MPRIP: variants seen among roughly 807,000 people sequenced by gnomAD.
The protein encoded by MPRIP is myosin phosphatase Rho interacting protein.
Under a neutral mutation model 234.9 loss-of-function variants are expected in MPRIP, and 59 were observed. That is an observed-to-expected ratio of 0.25 (90% CI 0.20 to 0.31). The LOEUF (loss-of-function observed/expected upper bound fraction) is 0.31, where lower values mean the gene tolerates loss of function less well. Among genes scored for constraint, MPRIP ranks in the 10% least tolerant of loss-of-function variants. The pLI is 1.00. For synonymous variants in MPRIP, 1,144 were observed against 1,263.9 expected (o/e 0.91, Z 2.01); for missense variants, 2,436 against 3,071.0 (o/e 0.79, Z 4.89).
At chr17:17,047,009 C>A (rs545279906) in intron 1 of MPRIP, among the ~76,000 whole-genome samples, 2 of 152,234 alleles carry the variant, frequency 1.3e-5, no homozygotes, top group South Asian at 4.2e-4. Flanking sequence ...GAAACTCTGT[C>A]TCTACTAAAA....
At chr17:17,142,428 G>C (rs568248988) in intron 7 of MPRIP, 199 bp from the exon 8 acceptor site, 1 of 584,914 alleles carries the variant, frequency 1.7e-6, no homozygotes, top group Middle Eastern at 4.8e-4. Context: ...AGGGGCAAGC[G>C]CAGGCCTGAT....
At position 17,158,805 on chromosome 17, in the gene MPRIP, G is replaced by T; in HGVS notation, c.2203G>T (p.Asp735Tyr). The change falls in exon 14 of 24, where the codon GAC (aspartate) becomes TAC (tyrosine). Residue 735 changes from aspartate to tyrosine, a missense_variant. Asp to Tyr is a radical substitution (Grantham distance 160, BLOSUM62 -3). This residue lies in a region of MPRIP where 1,998 missense variants were observed against 2,520.3 expected (regional missense o/e 0.79). Transcript: ENST00000651222. Reference protein sequence around the residue: ...TEDAALRMEVDRSPGLPMSDL... With the variant: ...TEDAALRMEVYRSPGLPMSDL... ...GGATGCAGCCCTGCGCATGGAGGTG[G>T]ACCGGAGCCCAGGGCTGCCTATGAG... The T allele has an allele frequency of 1.9e-6, 3 of 1,611,672 alleles. No individual in the cohort carries two copies. The highest frequency in any genetic ancestry group is 1.1e-5 in the South Asian group (1 of 91,022).
intron 1 of MPRIP, among the ~76,000 whole-genome samples, chr17:17,062,629 C>G (rs2088901105): frequency 6.6e-6 from 1 of 152,250 alleles, no homozygotes; most frequent in African/African-American, 2.4e-5. Flanking sequence ...GCCATGAAGG[C>G]CTGCGCAGGA....
At chr17:17,085,531 A>G (rs1053737995) in intron 3 of MPRIP, among the ~76,000 whole-genome samples, 24 of 152,242 alleles carry the variant, frequency 1.6e-4, no homozygotes, top group African/African-American at 5.8e-4. Context: ...TAAAATGTAT[A>G]CAGTCAGGTG....
chr17:17,172,202 A>G (rs1374048390), intron 17 of MPRIP, among the ~76,000 whole-genome samples: 2 of 152,256 alleles, frequency 1.3e-5, no homozygotes, highest in African/African-American at 2.4e-5. Context: ...ACACCTGTCA[A>G]CGTGGGACCA....
In MPRIP at chr17:17,187,107, G is replaced by C. The variant is rs1210827731; in HGVS notation, c.*2213G>C. ...GCCTTCTGCCCTCCAGGGGGTTCTGGCCAGAGTCCATGCTTGGAGACAGGA... is the reference window on the plus strand; with the variant it reads ...GCCTTCTGCCCTCCAGGGGGTTCTGCCCAGAGTCCATGCTTGGAGACAGGA... On this transcript the variant is annotated 3_prime_UTR_variant, in exon 24 of 24. Coordinates refer to ENST00000651222, the MANE Select transcript of MPRIP (RefSeq NM_001364716.4). The C allele has an allele frequency of 6.6e-6, 1 of 152,286 alleles. No homozygotes were observed. Among genetic ancestry groups the C allele is most frequent in the Non-Finnish European group, 1.5e-5 (1 of 68,132 alleles). The allele number at this position is 152,286 out of a possible 1,614,324, so 9.4% of individuals were successfully genotyped here. A position where few individuals can be genotyped will look rare whatever the true frequency, so the allele number is the denominator to read the frequency against.
chr17:17,171,940 A>T, intron 17 of MPRIP, 75 bp downstream of exon 17: 1 of 1,473,814 alleles, frequency 6.8e-7, no homozygotes, highest in Non-Finnish European at 9.2e-7. Context: ...ACTCAGAGGA[A>T]TGGCAGCCTT....
intron 4 of MPRIP, among the ~76,000 whole-genome samples, chr17:17,127,544 C>T (rs1461714260): frequency 6.6e-6 from 1 of 152,234 alleles, no homozygotes; most frequent in Non-Finnish European, 1.5e-5. Flanking sequence ...CTTTGCTACC[C>T]ACATGGCCTG....
At chr17:17,109,623 G>T in intron 3 of MPRIP, among the ~76,000 whole-genome samples, 1 of 152,214 alleles carries the variant, frequency 6.6e-6, no homozygotes, top group East Asian at 1.9e-4. Context: ...CTATTTCCTT[G>T]TTCCATTAGC....
At chr17:17,074,792 G>A (rs1341864359) in intron 1 of MPRIP, among the ~76,000 whole-genome samples, 1 of 152,110 alleles carries the variant, frequency 6.6e-6, no homozygotes, top group African/African-American at 2.4e-5. Flanking sequence ...GGGGTTCCTC[G>A]GTGTTGTGGT....
intron 9 of MPRIP, 96 bp from the exon 10 acceptor site, chr17:17,145,940 G>A: frequency 8.3e-7 from 1 of 1,210,878 alleles, no homozygotes; most frequent in South Asian, 1.3e-5. Flanking sequence ...CCCTTTCCTG[G>A]TACCCGCCTC....
At chr17:17,048,477 C>G (rs2088428199) in intron 1 of MPRIP, among the ~76,000 whole-genome samples, 1 of 152,064 alleles carries the variant, frequency 6.6e-6, no homozygotes, top group African/African-American at 2.4e-5. Context: ...TTTCGCATCC[C>G]CCCCTTGTAG....
At chr17:17,087,849 C>T (rs966014824) in intron 3 of MPRIP, among the ~76,000 whole-genome samples, 1 of 152,164 alleles carries the variant, frequency 6.6e-6, no homozygotes, top group African/African-American at 2.4e-5. Context: ...AATCTCAGGC[C>T]GCACTGAGAG....
At chr17:17,063,355 A>C (rs2088923939) in intron 1 of MPRIP, among the ~76,000 whole-genome samples, 1 of 152,070 alleles carries the variant, frequency 6.6e-6, no homozygotes. Flanking sequence ...CAGCGAGGAG[A>C]TGTGGTGTTG....
At chr17:17,114,992 G>C (rs947627992) in intron 3 of MPRIP, among the ~76,000 whole-genome samples, 16 of 152,256 alleles carry the variant, frequency 1.1e-4, no homozygotes, top group Non-Finnish European at 2.2e-4. Flanking sequence ...CCCTGAACGG[G>C]TCATTTCCTC....
intron 1 of MPRIP, among the ~76,000 whole-genome samples, chr17:17,048,209 G>T (rs1004137384): frequency 1.3e-5 from 2 of 152,108 alleles, no homozygotes; most frequent in Non-Finnish European, 2.9e-5. Flanking sequence ...CTGGAAATGA[G>T]CTCGGTCTTG....
rs150224427 is a variant in MPRIP, at chr17:17,047,258, G to A, written c.123+4287G>A. 3.3e-3 allele frequency among the ~76,000 whole-genome samples: 495 copies of A among 152,292 alleles called. 1 individual carries two copies. Among genetic ancestry groups the A allele is most frequent in the Admixed American group, 4.6e-3 (70 of 15,300 alleles). The stretch of plus-strand genomic sequence containing the variant: ...AGCTGGCATGATGTGTGGCCTGTGA[G>A]CCATAGTTTGCTGACCCTGAACTAG... On this transcript the variant is annotated intron_variant, in intron 1 of 23. Transcript: ENST00000651222.
At position 17,190,239 on chromosome 17, in the gene MPRIP, C is replaced by T. The variant is rs535523502; in HGVS notation, c.*5345C>T. The T allele has an allele frequency of 3.3e-5, 5 of 152,224 alleles. No homozygotes were observed. The East Asian group carries it at 5.8e-4, about 18-fold the overall frequency. The allele number at this position is 152,224 out of a possible 1,614,324, so 9.4% of individuals were successfully genotyped here. On this transcript the variant is annotated 3_prime_UTR_variant, in exon 24 of 24. Coordinates refer to ENST00000651222, the MANE Select transcript of MPRIP (RefSeq NM_001364716.4). Reference sequence around the variant, plus strand: ...ATCCAGTGAACGGTCATCTTCACATCGAAAGGTGAAGGCCACCACTGTTCT... The same window carrying T: ...ATCCAGTGAACGGTCATCTTCACATTGAAAGGTGAAGGCCACCACTGTTCT...
chr17:17,137,508 A>G (rs1028502673), intron 6 of MPRIP, among the ~76,000 whole-genome samples: 4 of 109,798 alleles, frequency 3.6e-5, no homozygotes, highest in African/African-American at 1.1e-4. Context: ...GCGAGATTGC[A>G]TCTCAAAAAA....
Sources: gnomAD v4.1 joint callset for allele counts (sites outside exome capture counted in the v4.1 genomes callset) on GRCh38, gnomAD v4.1.1 for gene constraint, gnomAD v4.1.1 regional missense constraint, MANE v1.5 for transcripts, NCBI Gene and HGNC (gene_info 2026-07-23, HGNC 2026-07-21) for gene names.